The following UBAP2L variants were observed in gnomAD, a reference collection of about 807,000 sequenced individuals.
The protein encoded by UBAP2L is ubiquitin associated protein 2 like, also known as ubiquitin-associated protein 2-like.
Under a neutral mutation model 130.6 loss-of-function variants are expected in UBAP2L, and 12 were observed. The ratio of observed to expected loss-of-function variants is 0.09; its 90% CI spans 0.06 to 0.15. The LOEUF is 0.15. Ranked by LOEUF, UBAP2L falls within the 10% of genes least tolerant of loss-of-function variation. The probability of loss-of-function intolerance (pLI) is 1.00; values close to 1 mark genes in which losing one functional copy is unlikely to be tolerated. For missense variants in UBAP2L, 965 were observed against 1,332.5 expected (o/e 0.72, Z 4.29); for synonymous variants, 503 against 524.7 (o/e 0.96, Z 0.57).
intron 14 of UBAP2L, 100 bp from the exon 15 acceptor site, chr1:154,253,800 C>T: frequency 3.2e-6 from 4 of 1,230,930 alleles, no homozygotes; most frequent in Non-Finnish European, 4.4e-6. Flanking sequence ...CTTCTTGATT[C>T]AAATCAAGTT....
chr1:154,249,765 C>T (rs1676854848), intron 12 of UBAP2L, among the ~76,000 whole-genome samples: 4 of 151,188 alleles, frequency 2.6e-5, no homozygotes. Context: ...ATCAAGACTC[C>T]ATTTCTAAAA....
At chr1:154,267,158 T>G (rs1214959443) in intron 25 of UBAP2L, among the ~76,000 whole-genome samples, 2 of 147,546 alleles carry the variant, frequency 1.4e-5, no homozygotes, top group South Asian at 2.2e-4. Context: ...CGAGTTTTTT[T>G]TTTTTTTTTT....
chr1:154,227,413 G>C (rs1668320311), intron 3 of UBAP2L, 54 bp downstream of exon 3: 2 of 1,487,460 alleles, frequency 1.3e-6, no homozygotes, highest in Non-Finnish European at 1.9e-6. Context: ...CAGTATTAAG[G>C]CATAATCAAA....
chr1:154,265,947 C>G (rs1456700144), intron 24 of UBAP2L, among the ~76,000 whole-genome samples: 1 of 152,140 alleles, frequency 6.6e-6, no homozygotes, highest in South Asian at 2.1e-4. Context: ...CTAGATGCTC[C>G]AAGACTAAAG....
At chr1:154,249,880 A>G (rs973121173) in intron 12 of UBAP2L, among the ~76,000 whole-genome samples, 11 of 151,834 alleles carry the variant, frequency 7.2e-5, no homozygotes, top group African/African-American at 2.7e-4. Context: ...AAAAAAAAAA[A>G]AGAAAAATTT....
chr1:154,225,317 C>T, intron 2 of UBAP2L, 104 bp downstream of exon 2: 1 of 1,337,062 alleles, frequency 7.5e-7, no homozygotes, highest in Non-Finnish European at 1.0e-6. Context: ...GGTTTAGGTT[C>T]CTTATTTTTG....
intron 18 of UBAP2L, 76 bp from the exon 19 acceptor site, chr1:154,256,987 G>T (rs1679886776): frequency 2.0e-6 from 3 of 1,501,352 alleles, no homozygotes; most frequent in African/African-American, 2.8e-5. Flanking sequence ...TCAGCAGGAG[G>T]GATTGTCTTA....
At chr1:154,261,787 G>A (rs1681628641) in intron 24 of UBAP2L, 90 bp downstream of exon 24, 1 of 1,346,790 alleles carries the variant, frequency 7.4e-7, no homozygotes, top group East Asian at 2.3e-5. Flanking sequence ...GAGAAAATGG[G>A]ATTGGTGAGG....
At chr1:154,252,171 T>C (rs1677861044) in intron 14 of UBAP2L, among the ~76,000 whole-genome samples, 1 of 151,690 alleles carries the variant, frequency 6.6e-6, no homozygotes. Context: ...GATGGTGTTT[T>C]ACCATGTTGG....
chr1:154,246,483 T>C (rs1241849049), intron 11 of UBAP2L, 108 bp downstream of exon 11: 16 of 1,288,976 alleles, frequency 1.2e-5, no homozygotes, highest in Non-Finnish European at 1.7e-5. Flanking sequence ...AAGCATCCTC[T>C]TTGTCTTCTT....
At position 154,254,106 on chromosome 1, in the gene UBAP2L, C is replaced by T; in HGVS notation, c.1854+17C>T. On this transcript the variant is annotated intron_variant, in intron 15 of 26. Transcript: ENST00000428931. ...CAGGCAAAGGTAGTGGCTTCATGAA[C>T]CCTTGGGAATTGGTTAGGAGAATAG... The T allele has an allele frequency of 1.3e-6, 2 of 1,507,936 alleles. No homozygotes were observed. The highest frequency in any genetic ancestry group is 2.4e-5 in the East Asian group (1 of 41,284). The allele number at this position is 1,507,936 out of a possible 1,614,324, so 93.4% of individuals were successfully genotyped here.
rs201854588 is a variant in UBAP2L, at chr1:154,258,985, A to G, written c.2451A>G (p.Val817=). ...PGLLHAYPPQ[V]YGYDDLQMLQ... is the part of the protein sequence containing the mutation. ...ATGTCTGTATCTTTCAGCCACAAGTATATGGTTATGATGACTTGCAGATGC... is the reference window on the plus strand; with the variant it reads ...ATGTCTGTATCTTTCAGCCACAAGTGTATGGTTATGATGACTTGCAGATGC... The change falls in exon 21 of 27, where the codon GTA becomes GTG. Residue 817 remains valine, a synonymous_variant. Transcript: ENST00000428931. 96 of 1,613,980 alleles carry G rather than the reference A, an allele frequency of 5.9e-5. No individual in the cohort carries two copies. The East Asian group carries it at 1.8e-3, about 30-fold the overall frequency.
intron 18 of UBAP2L, 26 bp from the exon 19 acceptor site, chr1:154,257,037 C>G: frequency 1.9e-6 from 3 of 1,604,412 alleles, no homozygotes; most frequent in Non-Finnish European, 2.6e-6. Flanking sequence ...TTCTTCTTCT[C>G]TCTTCCACTG....
chr1:154,255,077 C>T (rs1679184290), intron 16 of UBAP2L, 75 bp from the exon 17 acceptor site: 1 of 1,543,214 alleles, frequency 6.5e-7, no homozygotes. Flanking sequence ...TTGGAACTGC[C>T]TTGGACTGTG....
At chr1:154,222,918 G>A (rs568972697) in intron 1 of UBAP2L, among the ~76,000 whole-genome samples, 18 of 152,238 alleles carry the variant, frequency 1.2e-4, no homozygotes, top group Admixed American at 9.8e-4. Context: ...ACTCTCGCAC[G>A]ATTTCCTTGG....
At chr1:154,230,272 G>A (rs1669393640) in intron 4 of UBAP2L, among the ~76,000 whole-genome samples, 1 of 152,206 alleles carries the variant, frequency 6.6e-6, no homozygotes, top group African/African-American at 2.4e-5. Flanking sequence ...CTTCCAAAAT[G>A]TTAGGATTAC....
upstream of UBAP2L, chr1:154,220,293 C>T (rs994990903): frequency 1.2e-6 from 2 of 1,606,540 alleles, no homozygotes; most frequent in African/African-American, 2.7e-5. Flanking sequence ...AGGAGGGTCT[C>T]TACTGGGTAA....
intron 11 of UBAP2L, among the ~76,000 whole-genome samples, chr1:154,247,795 G>A (rs1220099766): frequency 6.6e-6 from 1 of 151,726 alleles, no homozygotes; most frequent in Non-Finnish European, 1.5e-5. Context: ...TTTTTTTGTT[G>A]CCTGTACTAA....
chr1:154,271,038 G>A, downstream of UBAP2L: 1 of 1,269,462 alleles, frequency 7.9e-7, no homozygotes, highest in Non-Finnish European at 1.1e-6. Flanking sequence ...TGTCCTTGAG[G>A]GGATTTCCTT....
Sources: allele counts gnomAD v4.1 joint callset (sites outside exome capture counted in the v4.1 genomes callset), GRCh38; gene constraint gnomAD v4.1.1; transcripts MANE v1.5; gene names NCBI Gene and HGNC (gene_info 2026-07-23, HGNC 2026-07-21).